The following JPT2 variants were observed in gnomAD, a reference collection of about 807,000 sequenced individuals.
JPT2 encodes CRAMP_1 like.
JPT2 carries 9 observed loss-of-function variants against 15.9 expected under a neutral mutation model. That is an observed-to-expected ratio of 0.57 (90% confidence interval 0.34 to 0.99). JPT2 has a LOEUF of 0.99. JPT2 is among the 50% of genes least tolerant of loss of function. JPT2 has a pLI of 0.02. For missense variants in JPT2, 267 were observed against 252.1 expected (o/e 1.06, Z -0.40); for synonymous variants, 95 against 91.7 (o/e 1.04, Z -0.21).
At position 1,698,224 on chromosome 16, in the gene JPT2, C is replaced by T. The variant is rs2037156124; in HGVS notation, c.385+364C>T. On this transcript the variant is annotated intron_variant, in intron 4 of 4. Coordinates refer to ENST00000248098, the MANE Select transcript of JPT2 (RefSeq NM_144570.3). This position sits in a 1 kb window ranked among gnomAD's most constrained non-coding sequence, Gnocchi z 4.9. ...AAGAGAGGGATGGAGGATGGGGAGGCGGGTGTCTCCATGGTGAGTCACCCC... is the reference window on the plus strand; with the variant it reads ...AAGAGAGGGATGGAGGATGGGGAGGTGGGTGTCTCCATGGTGAGTCACCCC... Among the ~76,000 whole-genome samples the T allele has an allele frequency of 6.6e-6, 1 of 152,094 alleles. No homozygotes were observed. Among genetic ancestry groups the T allele is most frequent in the Non-Finnish European group, 1.5e-5 (1 of 67,998 alleles).
intron 1 of JPT2, among the ~76,000 whole-genome samples, chr16:1,681,081 C>T (rs1320961404): frequency 6.6e-6 from 1 of 152,248 alleles, no homozygotes; most frequent in East Asian, 1.9e-4. Context: ...GCACCCCCCA[C>T]TCACATTGTG....
chr16:1,680,464 T>G, intron 1 of JPT2: 1 of 1,244,036 alleles, frequency 8.0e-7, no homozygotes, highest in East Asian at 6.3e-5. Context: ...TTTAGGATGG[T>G]GAGGAAGGAA....
intron 1 of JPT2, among the ~76,000 whole-genome samples, chr16:1,684,961 G>A (rs1290973940): frequency 6.6e-6 from 1 of 151,458 alleles, no homozygotes; most frequent in Admixed American, 6.6e-5. Flanking sequence ...AGCAGCAGAA[G>A]TAGTCTGGCG....
At chr16:1,697,199 A>T (rs1397865613) in intron 3 of JPT2, among the ~76,000 whole-genome samples, 1 of 152,216 alleles carries the variant, frequency 6.6e-6, no homozygotes, top group Non-Finnish European at 1.5e-5. Context: ...CATGGATGAA[A>T]TATTATGCCA....
intron 2 of JPT2, chr16:1,686,394 AAG>A (rs2037066790): frequency 6.8e-6 from 1 of 147,584 alleles, no homozygotes; most frequent in Non-Finnish European, 1.5e-5. Flanking sequence ...GAAAAAGAAA[AAG>A]AAAAAGGTTT....
At chr16:1,685,612 T>TGATA in intron 2 of JPT2, 25 bp downstream of exon 2, 1 of 1,597,368 alleles carries the variant, frequency 6.3e-7, no homozygotes, top group Non-Finnish European at 8.5e-7. Context: ...AAATCCTTAA[T>TGATA]CCTTTGGCCT....
intron 3 of JPT2, among the ~76,000 whole-genome samples, chr16:1,693,697 T>C (rs1040385894): frequency 1.3e-5 from 2 of 151,792 alleles, no homozygotes; most frequent in Non-Finnish European, 2.9e-5. Flanking sequence ...CCAGGACCAT[T>C]GGACATCGCT....
At chr16:1,696,859 G>A (rs546429736) in intron 3 of JPT2, among the ~76,000 whole-genome samples, 5 of 152,324 alleles carry the variant, frequency 3.3e-5, no homozygotes, top group South Asian at 2.1e-4. Context: ...TGGAGCCCTC[G>A]TGCATTGCTA....
intron 2 of JPT2, 95 bp from the exon 3 acceptor site, chr16:1,691,748 C>T: frequency 6.9e-7 from 1 of 1,447,310 alleles, no homozygotes; most frequent in Middle Eastern, 2.5e-4. Flanking sequence ...ACTCGGGGTT[C>T]CTATGAGAGG....
Position 1,680,326 on chromosome 16 carries a change from C to G in JPT2, c.44+1970C>G, listed in dbSNP as rs556174003. ...GTGTTTATTATCACCCTGAGCGACG[C>G]CGATGTTTTTATATTGACTTTCACG... On this transcript the variant is annotated intron_variant, in intron 1 of 4. Coordinates refer to ENST00000248098, the MANE Select transcript of JPT2 (RefSeq NM_144570.3). 4.0e-5 allele frequency: 40 copies of G among 1,002,722 alleles called. No individual in the cohort carries two copies. In the East Asian group the frequency reaches 4.0e-3, roughly 100 times the overall value. The allele number at this position is 1,002,722 out of a possible 1,614,324, so 62.1% of individuals were successfully genotyped here. A position where few individuals can be genotyped will look rare whatever the true frequency, so the allele number is the denominator to read the frequency against.
rs964473868 is a variant in JPT2 at position 1,683,406 on chromosome 16, C to T, written c.45-2033C>T. On this transcript the variant is annotated intron_variant, in intron 1 of 4. Transcript: ENST00000248098. Reference sequence around the variant, plus strand: ...GATTACAGGTGCCAGGTACTGCTCCCGGACAGCCCTTTCTCATTTAAGCTT... The same window carrying T: ...GATTACAGGTGCCAGGTACTGCTCCTGGACAGCCCTTTCTCATTTAAGCTT... 3.8e-5 allele frequency: 28 copies of T among 736,300 alleles called. 1 individual carries two copies. Among genetic ancestry groups the T allele is most frequent in the Admixed American group, 1.6e-4 (7 of 43,494 alleles). 45.6% of individuals were successfully genotyped at this position (736,300 alleles called of 1,614,324 possible).
rs1481820560 is a variant in JPT2 at position 1,700,467 on chromosome 16, A to T, written c.*1469A>T. 3 of 207,946 alleles carry T rather than the reference A, an allele frequency of 1.4e-5. No homozygotes were observed. Among genetic ancestry groups the T allele is most frequent in the Admixed American group, 1.4e-4 (3 of 21,310 alleles). 12.9% of individuals were successfully genotyped at this position (207,946 alleles called of 1,614,324 possible). On this transcript the variant is annotated 3_prime_UTR_variant, in exon 5 of 5. Coordinates refer to ENST00000248098, the MANE Select transcript of JPT2 (RefSeq NM_144570.3). ...TGGTGCTAGAAACATCATCATTATT[A>T]AACTTCAGAAAAGCAGCAGCCATGT... is the stretch of plus-strand genomic sequence containing the variant.
chr16:1,678,897 C>G (rs2036997011), intron 1 of JPT2, among the ~76,000 whole-genome samples: 1 of 152,158 alleles, frequency 6.6e-6, no homozygotes, highest in South Asian at 2.1e-4. Context: ...TGCCCATGGC[C>G]GCGCTTCCAC....
intron 3 of JPT2, chr16:1,692,274 G>A (rs1487284185): frequency 2.4e-6 from 1 of 420,054 alleles, no homozygotes; most frequent in African/African-American, 2.0e-5. Flanking sequence ...GCGGGGCGCG[G>A]AGAAGCGGTG....
At chr16:1,680,579 G>C in intron 1 of JPT2, 1 of 1,016,812 alleles carries the variant, frequency 9.8e-7, no homozygotes, top group Non-Finnish European at 1.2e-6. Flanking sequence ...GTCGCAGGGC[G>C]GGCGCCTTGT....
chr16:1,689,660 T>A (rs934503876), intron 2 of JPT2: 2 of 152,302 alleles, frequency 1.3e-5, no homozygotes, highest in African/African-American at 2.4e-5. Context: ...CACGCTAGTA[T>A]TGAACTCCTG....
Position 1,699,201 on chromosome 16 carries a change from G to T in JPT2, c.*203G>T. Reference sequence around the variant, plus strand: ...GGCTGGGAGATGCCTCTGTGGGGATGAAATGGGGCACCCCTGGCCATCACT... The same window carrying T: ...GGCTGGGAGATGCCTCTGTGGGGATTAAATGGGGCACCCCTGGCCATCACT... On this transcript the variant is annotated 3_prime_UTR_variant, in exon 5 of 5. Transcript: ENST00000248098. The T allele has an allele frequency of 1.5e-6, 1 of 673,084 alleles. No individual in the cohort carries two copies. Among genetic ancestry groups the T allele is most frequent in the Non-Finnish European group, 2.7e-6 (1 of 368,398 alleles). 41.7% of individuals were successfully genotyped at this position (673,084 alleles called of 1,614,324 possible).
rs538417522 is a variant in JPT2 at position 1,693,479 on chromosome 16, C to A, written c.336+1494C>A. On this transcript the variant is annotated intron_variant, in intron 3 of 4. Transcript: ENST00000248098. ...TACTACAAGGTGAACTTTGGCAAGACCAGAAATGTCCCAAAAGTCAGCAAT... is the reference window on the plus strand; with the variant it reads ...TACTACAAGGTGAACTTTGGCAAGAACAGAAATGTCCCAAAAGTCAGCAAT... Among the ~76,000 whole-genome samples the A allele has an allele frequency of 5.9e-5, 9 of 152,238 alleles. No homozygotes were observed. In the South Asian group the frequency reaches 1.7e-3, roughly 28 times the overall value.
At chr16:1,679,794 C>T (rs2037006750) in intron 1 of JPT2, among the ~76,000 whole-genome samples, 1 of 151,810 alleles carries the variant, frequency 6.6e-6, no homozygotes, top group African/African-American at 2.4e-5. Context: ...AGTGACTCAA[C>T]GGCTGTAATC....
Sources: gnomAD v4.1 joint callset for allele counts (sites outside exome capture counted in the v4.1 genomes callset) on GRCh38, gnomAD v4.1.1 for gene constraint, Gnocchi (gnomAD v3.1) non-coding constraint, MANE v1.5 for transcripts, NCBI Gene and HGNC (gene_info 2026-07-23, HGNC 2026-07-21) for gene names.